The following DLGAP1 variants were observed in gnomAD, a reference collection of about 807,000 sequenced individuals.
The protein encoded by DLGAP1 is disks large-associated protein 1.
A neutral mutation model predicts 90.8 loss-of-function variants in DLGAP1; 11 were observed. The ratio of observed to expected loss-of-function variants is 0.12; its 90% CI spans 0.08 to 0.20. The LOEUF is 0.20. Among genes scored for constraint, DLGAP1 ranks in the 10% least tolerant of loss-of-function variants. DLGAP1 has a pLI of 1.00. For synonymous variants in DLGAP1, 558 were observed against 540.7 expected, an observed-to-expected ratio of 1.03 and a Z score of -0.44; for missense variants, 1,050 against 1,333.8, an observed-to-expected ratio of 0.79 and a Z score of 3.31.
chr18:4,156,682 A>G (rs1353811938), intron 1 of DLGAP1, among the ~76,000 whole-genome samples: 1 of 152,238 alleles, frequency 6.6e-6, no homozygotes, highest in Non-Finnish European at 1.5e-5. Flanking sequence ...GTCTAAAGAG[A>G]AAGTGAAAAC....
intron 5 of DLGAP1, among the ~76,000 whole-genome samples, chr18:3,813,017 T>C (rs765664433): frequency 2.0e-5 from 3 of 152,208 alleles, no homozygotes; most frequent in Non-Finnish European, 2.9e-5. Context: ...ATTCCAAGAC[T>C]CTAAAGAATT....
chr18:4,308,011 G>A (rs1316504064), intron 1 of DLGAP1, among the ~76,000 whole-genome samples: 3 of 152,124 alleles, frequency 2.0e-5, no homozygotes, highest in Non-Finnish European at 2.9e-5. Context: ...CACCGTGCCC[G>A]GCCGAGGGTT....
At chr18:4,416,784 A>G (rs2082909901) in intron 1 of DLGAP1, among the ~76,000 whole-genome samples, 1 of 152,214 alleles carries the variant, frequency 6.6e-6, no homozygotes. Context: ...CACAGACAGA[A>G]TGGCATGGGG....
intron 1 of DLGAP1, among the ~76,000 whole-genome samples, chr18:4,408,323 C>T (rs528215113): frequency 2.9e-4 from 44 of 152,026 alleles, no homozygotes; most frequent in African/African-American, 8.7e-4. Context: ...ATAGAAAATA[C>T]CATAAAAAGC....
Position 4,011,279 on chromosome 18 carries a change from C to T in DLGAP1, c.-158-6078G>A, listed in dbSNP as rs535337992. On this transcript the variant is annotated intron_variant, in intron 2 of 12. Coordinates refer to ENST00000315677, the MANE Select transcript of DLGAP1 (RefSeq NM_004746.4). ...GTGACCCCGCTTTTATAAGTGCCAC[C>T]GGAAGGGAGAGGGCGTGGGAGAGAA... Among the ~76,000 whole-genome samples, 37 of 151,860 alleles carry T rather than the reference C, an allele frequency of 2.4e-4. 1 individual carries two copies. The highest frequency in any genetic ancestry group is 2.3e-3 in the Admixed American group (35 of 15,244).
At chr18:4,120,721 TC>T (rs5822795) in intron 2 of DLGAP1, among the ~76,000 whole-genome samples, 67 of 127,168 alleles carry the variant, frequency 5.3e-4, no homozygotes, top group African/African-American at 2.0e-3. Context: ...TTTCCTTCCT[TC>T]CCTTCCTTCC....
At chr18:3,855,315 AGCTGCCTATCGGGTGTTAC>A (rs1440861413) in intron 4 of DLGAP1, among the ~76,000 whole-genome samples, 2 of 152,172 alleles carry the variant, frequency 1.3e-5, no homozygotes, top group African/African-American at 4.8e-5. Flanking sequence ...AAGATCAAAA[AGCTGCCTATCGGGTGTTAC>A]GCTTATTACC....
intron 1 of DLGAP1, among the ~76,000 whole-genome samples, chr18:4,269,165 G>C (rs1368370865): frequency 6.6e-6 from 1 of 151,438 alleles, no homozygotes; most frequent in South Asian, 2.1e-4. Flanking sequence ...ATTGCAGTAA[G>C]ATATAGTAAA....
At position 4,383,982 on chromosome 18, in the gene DLGAP1, A is replaced by G. The variant is rs1289896665; in HGVS notation, c.-267+71024T>C. Among the ~76,000 whole-genome samples, 1 of 152,188 alleles carries G rather than the reference A, an allele frequency of 6.6e-6. No homozygotes were observed. The stretch of plus-strand genomic sequence containing the variant: ...TAATAAGATGTACAAAAGTCAAAAC[A>G]GCTTCCATACACTATGGTAATGTCA... On this transcript the variant is annotated intron_variant, in intron 1 of 12. Coordinates refer to ENST00000315677, the MANE Select transcript of DLGAP1 (RefSeq NM_004746.4). The surrounding 1 kb of genome is among the most constrained non-coding windows in gnomAD (Gnocchi z 4.0).
At chr18:4,134,993 A>G (rs1009231459) in intron 2 of DLGAP1, among the ~76,000 whole-genome samples, 3 of 152,138 alleles carry the variant, frequency 2.0e-5, no homozygotes, top group South Asian at 4.1e-4. Context: ...AGAATTTTAC[A>G]TAGGAATTTG....
At chr18:3,913,549 C>T (rs988776425) in intron 3 of DLGAP1, among the ~76,000 whole-genome samples, 1 of 152,142 alleles carries the variant, frequency 6.6e-6, no homozygotes, top group Non-Finnish European at 1.5e-5. Flanking sequence ...TTTCTACTTT[C>T]TATGCTAATA....
At chr18:4,336,498 G>A (rs1010438136) in intron 1 of DLGAP1, among the ~76,000 whole-genome samples, 16 of 152,124 alleles carry the variant, frequency 1.1e-4, no homozygotes, top group Non-Finnish European at 1.5e-5. Context: ...GGAGAGTAAC[G>A]GCTACTTCTA....
At chr18:3,508,710 G>A (rs1160328948) in intron 10 of DLGAP1, 49 bp from the exon 11 acceptor site, 1 of 1,471,464 alleles carries the variant, frequency 6.8e-7, no homozygotes, top group South Asian at 1.2e-5. Context: ...CTTCATTGTT[G>A]AGATTTAGTC....
At chr18:4,161,060 A>G (rs1403905937) in intron 1 of DLGAP1, among the ~76,000 whole-genome samples, 1 of 150,014 alleles carries the variant, frequency 6.7e-6, no homozygotes, top group Non-Finnish European at 1.5e-5. Context: ...GCTGAACAAT[A>G]CATTCCACAG....
intron 7 of DLGAP1, among the ~76,000 whole-genome samples, chr18:3,626,412 G>A (rs1166186176): frequency 6.6e-6 from 1 of 151,504 alleles, no homozygotes; most frequent in Non-Finnish European, 1.5e-5. Context: ...TGGGCAACAT[G>A]GCAAAACTCA....
At chr18:3,916,145 A>G (rs1207789612) in intron 3 of DLGAP1, among the ~76,000 whole-genome samples, 1 of 152,288 alleles carries the variant, frequency 6.6e-6, no homozygotes, top group Admixed American at 6.5e-5. Context: ...ACCACAGACT[A>G]TATTCAACTG....
intron 7 of DLGAP1, among the ~76,000 whole-genome samples, chr18:3,586,722 A>T (rs764788659): frequency 1.4e-4 from 21 of 151,950 alleles, no homozygotes; most frequent in Non-Finnish European, 2.9e-4. Flanking sequence ...GCACTCCAAA[A>T]CTCATACAAC....
chr18:4,368,301 G>C (rs1005176318), intron 1 of DLGAP1, among the ~76,000 whole-genome samples: 1 of 152,096 alleles, frequency 6.6e-6, no homozygotes, highest in Admixed American at 6.5e-5. Context: ...ATGTCACCTT[G>C]GCTGGACCAC....
chr18:4,250,573 A>G (rs2078759326), intron 1 of DLGAP1, among the ~76,000 whole-genome samples: 1 of 152,224 alleles, frequency 6.6e-6, no homozygotes, highest in Admixed American at 6.5e-5. Context: ...AATGTGGTTC[A>G]TATTTAGTGG....
Sources: allele counts gnomAD v4.1 joint callset (sites outside exome capture counted in the v4.1 genomes callset), GRCh38; gene constraint gnomAD v4.1.1; non-coding constraint Gnocchi (gnomAD v3.1); transcripts MANE v1.5; gene names NCBI Gene and HGNC (gene_info 2026-07-23, HGNC 2026-07-21).